Variants in SH3RF2 observed in about 807,000 individuals in gnomAD.
SH3RF2 encodes SH3 domain containing ring finger 2.
In SH3RF2, 43 loss-of-function variants were observed where a neutral mutation model predicts 59.0. That is an observed-to-expected ratio of 0.73 (90% CI 0.57 to 0.94). The LOEUF (loss-of-function observed/expected upper bound fraction) is 0.94, where lower values mean the gene tolerates loss of function less well. Ranked by LOEUF, SH3RF2 falls within the 40% of genes least tolerant of loss-of-function variation. SH3RF2 has a pLI of 0.00. For synonymous variants in SH3RF2, 391 were observed against 391.5 expected, an observed-to-expected ratio of 1.00 and a Z score of 0.01; for missense variants, 930 against 940.1, an observed-to-expected ratio of 0.99 and a Z score of 0.14.
At chr5:146,012,386 T>C (rs1760939426) in intron 4 of SH3RF2, among the ~76,000 whole-genome samples, 1 of 152,200 alleles carries the variant, frequency 6.6e-6, no homozygotes, top group Admixed American at 6.5e-5. Context: ...ATAAAATGAG[T>C]TAGGGAGGAT....
At chr5:146,033,168 T>G (rs1222445810) in intron 5 of SH3RF2, among the ~76,000 whole-genome samples, 1 of 152,130 alleles carries the variant, frequency 6.6e-6, no homozygotes, top group East Asian at 1.9e-4. Flanking sequence ...GTGAGGATTA[T>G]ATGAGATAAT....
chr5:146,057,626 G>A (rs540150161), intron 8 of SH3RF2, among the ~76,000 whole-genome samples: 66 of 152,198 alleles, frequency 4.3e-4, no homozygotes, highest in Admixed American at 7.2e-4. Flanking sequence ...TCCAGAGCAC[G>A]AACTCACTTA....
At chr5:146,080,304 A>G (rs912963052) in exon 10 of SH3RF2, 1 of 152,186 alleles carries the variant, frequency 6.6e-6, no homozygotes, top group African/African-American at 2.4e-5. Flanking sequence ...AGGAGCAAAT[A>G]GATAAAGAGA....
chr5:146,012,242 G>A (rs999766719), intron 4 of SH3RF2, among the ~76,000 whole-genome samples: 4 of 152,064 alleles, frequency 2.6e-5, no homozygotes, highest in Admixed American at 2.6e-4. Context: ...AAGCTTTTTG[G>A]TGTGCTGCTG....
intron 9 of SH3RF2, among the ~76,000 whole-genome samples, chr5:146,070,565 C>T (rs531435036): frequency 1.3e-5 from 2 of 152,310 alleles, no homozygotes; most frequent in South Asian, 4.1e-4. Context: ...TTGCATTCCC[C>T]AGGTCACTCT....
intron 4 of SH3RF2, among the ~76,000 whole-genome samples, chr5:146,013,378 G>T (rs1178585565): frequency 1.3e-5 from 2 of 152,148 alleles, no homozygotes; most frequent in Non-Finnish European, 2.9e-5. Flanking sequence ...GGGGATTCCA[G>T]GATGGCTAAA....
At position 146,006,932 on chromosome 5, in the gene SH3RF2, G is replaced by A. The variant is rs192398776; in HGVS notation, c.744+2779G>A. 5.9e-5 allele frequency among the ~76,000 whole-genome samples: 9 copies of A among 152,212 alleles called. No homozygotes were observed. The East Asian group carries it at 1.4e-3, about 23-fold the overall frequency. On this transcript the variant is annotated intron_variant, in intron 4 of 9. Transcript: ENST00000359120. The stretch of plus-strand genomic sequence containing the variant: ...GCTTCCTAGTTTCCACAGTAGGGAC[G>A]CATGAAAAAGAGTGAGTTGTATCAC...
chr5:146,060,598 T>G (rs997246578), intron 9 of SH3RF2, among the ~76,000 whole-genome samples: 1 of 152,170 alleles, frequency 6.6e-6, no homozygotes. Context: ...TCTGAGTCAC[T>G]TAGTTTGCAT....
rs573395613 is a variant in SH3RF2, at chr5:146,037,875, A to G, written c.1060-9897A>G. 5.3e-5 allele frequency among the ~76,000 whole-genome samples: 8 copies of G among 152,316 alleles called. 1 individual carries two copies. Among genetic ancestry groups the G allele is most frequent in the South Asian group, 2.1e-4 (1 of 4,824 alleles). On this transcript the variant is annotated intron_variant, in intron 5 of 9. Coordinates refer to ENST00000359120, the MANE Select transcript of SH3RF2 (RefSeq NM_152550.4). Reference sequence around the variant, plus strand: ...ATCAAAACCAGGAAAAGACAACATAAGAAAGGAAAAGTATAGTTCTGCTTC... The same window carrying G: ...ATCAAAACCAGGAAAAGACAACATAGGAAAGGAAAAGTATAGTTCTGCTTC...
intron 4 of SH3RF2, 63 bp downstream of exon 4, chr5:146,004,216 G>T: frequency 7.5e-7 from 1 of 1,337,770 alleles, no homozygotes; most frequent in Non-Finnish European, 1.1e-6. Flanking sequence ...GTGCTACAGT[G>T]ATGCCTGAGA....
chr5:145,993,213 C>T (rs1266269877), intron 2 of SH3RF2, among the ~76,000 whole-genome samples: 1 of 152,188 alleles, frequency 6.6e-6, no homozygotes, highest in African/African-American at 2.4e-5. Flanking sequence ...GAGGTAGGTT[C>T]CCATGGTCTT....
At chr5:146,029,071 G>A (rs1416419693) in intron 5 of SH3RF2, among the ~76,000 whole-genome samples, 2 of 152,124 alleles carry the variant, frequency 1.3e-5, no homozygotes, top group Admixed American at 1.3e-4. Flanking sequence ...ACATAATTCA[G>A]GCCCACTTTC....
At chr5:145,948,727 G>A (rs1758084221) in intron 2 of SH3RF2, among the ~76,000 whole-genome samples, 1 of 152,188 alleles carries the variant, frequency 6.6e-6, no homozygotes, top group Non-Finnish European at 1.5e-5. Context: ...TGTAGCCTCT[G>A]TTCCTCCGGA....
intron 2 of SH3RF2, among the ~76,000 whole-genome samples, chr5:145,980,721 C>G (rs1052154951): frequency 2.6e-5 from 4 of 152,068 alleles, no homozygotes; most frequent in Non-Finnish European, 4.4e-5. Context: ...AGGAAGGTGC[C>G]TTTTTGCCCA....
intron 5 of SH3RF2, among the ~76,000 whole-genome samples, chr5:146,016,524 A>G (rs2149994967): frequency 6.6e-6 from 1 of 152,312 alleles, no homozygotes; most frequent in South Asian, 2.1e-4. Context: ...TAAAACTGTA[A>G]TAAGAACCTT....
intron 8 of SH3RF2, among the ~76,000 whole-genome samples, chr5:146,057,952 CTCTCTCTCTCTCTCTCTATCTA>C (rs1395871223): frequency 1.3e-4 from 17 of 131,444 alleles, no homozygotes; most frequent in East Asian, 2.2e-4. Context: ...CTCTCTCTCT[CTCTCTCTCTCTCTCTCTATCTA>C]TCTATCTATC....
chr5:146,067,813 C>T (rs1763141268), downstream of SH3RF2, among the ~76,000 whole-genome samples: 1 of 152,186 alleles, frequency 6.6e-6, no homozygotes. Flanking sequence ...CCCTCAGGTC[C>T]TCCCCATCGC....
chr5:146,033,531 C>T (rs1580892216), intron 5 of SH3RF2, among the ~76,000 whole-genome samples: 2 of 135,560 alleles, frequency 1.5e-5, no homozygotes, highest in Middle Eastern at 4.5e-3. Context: ...AGTGCAAAGG[C>T]CCGATCTCGG....
In SH3RF2 at chr5:146,033,488, G is replaced by T. The variant is rs867934252; in HGVS notation, c.1060-14284G>T. ...TTTTTTTTTTTTTTTTTTTTTTTTT[G>T]AGATGGAGTTTCACTCTTGTTGCCC... is the stretch of plus-strand genomic sequence containing the variant. On this transcript the variant is annotated intron_variant, in intron 5 of 9. Coordinates refer to ENST00000359120, the MANE Select transcript of SH3RF2 (RefSeq NM_152550.4). 4.1e-3 allele frequency among the ~76,000 whole-genome samples: 88 copies of T among 21,646 alleles called. 1 individual carries two copies. The highest frequency in any genetic ancestry group is 0.016 in the African/African-American group (83 of 5,044). 14.2% of individuals were successfully genotyped at this position (21,646 alleles called of 152,430 possible). A position where few individuals can be genotyped will look rare whatever the true frequency, so the allele number is the denominator to read the frequency against.
Sources: allele counts gnomAD v4.1 joint callset (sites outside exome capture counted in the v4.1 genomes callset), GRCh38; gene constraint gnomAD v4.1.1; transcripts MANE v1.5; gene names NCBI Gene and HGNC (gene_info 2026-07-23, HGNC 2026-07-21).